Variants in GPC6 observed in about 807,000 individuals in gnomAD.
The protein encoded by GPC6 is glypican-6.
Under a neutral mutation model 55.2 loss-of-function variants are expected in GPC6, and 14 were observed. The observed-to-expected ratio is 0.25, with a 90% CI of 0.17 to 0.40. The LOEUF is 0.40. Among genes scored for constraint, GPC6 ranks in the 10% least tolerant of loss-of-function variants. The pLI, the probability that GPC6 is intolerant of heterozygous loss-of-function variation, is 1.00. For synonymous variants in GPC6, 278 were observed against 259.6 expected, an observed-to-expected ratio of 1.07 and a Z score of -0.68; for missense variants, 641 against 708.5, an observed-to-expected ratio of 0.90 and a Z score of 1.08.
intron 1 of GPC6, among the ~76,000 whole-genome samples, chr13:93,438,155 A>G (rs566070951): frequency 1.3e-5 from 2 of 152,300 alleles, no homozygotes; most frequent in South Asian, 4.1e-4. Context: ...ATTACTGCTC[A>G]TTGACAATGC....
chr13:93,772,480 A>G (rs538612018), intron 2 of GPC6, among the ~76,000 whole-genome samples: 23 of 152,064 alleles, frequency 1.5e-4, no homozygotes, highest in Non-Finnish European at 2.2e-4. Flanking sequence ...CAGTGGGACA[A>G]TCTAACTTTG....
At chr13:93,292,405 A>G (rs1878347040) in intron 1 of GPC6, among the ~76,000 whole-genome samples, 1 of 152,198 alleles carries the variant, frequency 6.6e-6, no homozygotes, top group South Asian at 2.1e-4. Context: ...GGAATTCTAG[A>G]CTTTTTAAGA....
intron 6 of GPC6, among the ~76,000 whole-genome samples, chr13:94,368,583 G>T (rs1375718226): frequency 6.6e-6 from 1 of 152,106 alleles, no homozygotes; most frequent in African/African-American, 2.4e-5. Context: ...GCCATTATCA[G>T]AAGATATGGA....
In GPC6 at chr13:93,990,238, A is replaced by T. The variant is rs1163009058; in HGVS notation, c.712-37491A>T. 4.6e-5 allele frequency among the ~76,000 whole-genome samples: 7 copies of T among 151,942 alleles called. No homozygotes were observed. The East Asian group carries it at 1.2e-3, about 25-fold the overall frequency. ...ATCAAAACATAATTCTACCCTCATGACATTGAAAGGACAGTAATGTCTGCC... is the reference window on the plus strand; with the variant it reads ...ATCAAAACATAATTCTACCCTCATGTCATTGAAAGGACAGTAATGTCTGCC... On this transcript the variant is annotated intron_variant, in intron 3 of 8. Coordinates refer to ENST00000377047, the MANE Select transcript of GPC6 (RefSeq NM_005708.5).
chr13:93,503,981 C>T (rs998813881), intron 1 of GPC6, among the ~76,000 whole-genome samples: 13 of 151,794 alleles, frequency 8.6e-5, no homozygotes, highest in African/African-American at 2.9e-4. Context: ...AACATTCTTC[C>T]GAGAAAAAAA....
chr13:93,331,459 G>A lies in GPC6; in HGVS notation c.160+103843G>A, dbSNP rs943293899. ...AGTATGATTCATCAACTTGAGAAAG[G>A]TTAGCTATGGATATAGTTTACCTGA... On this transcript the variant is annotated intron_variant, in intron 1 of 8. Transcript: ENST00000377047. 3.9e-5 allele frequency among the ~76,000 whole-genome samples: 6 copies of A among 152,128 alleles called. No individual in the cohort carries two copies. The South Asian group carries it at 1.2e-3, about 31-fold the overall frequency.
At chr13:94,085,345 G>A (rs869141447) in intron 4 of GPC6, among the ~76,000 whole-genome samples, 1,265 of 92,408 alleles carry the variant, frequency 0.014, 28 homozygotes, top group African/African-American at 0.047. Context: ...AAAAAAAAAA[G>A]GGAAGAAAAA....
intron 3 of GPC6, among the ~76,000 whole-genome samples, chr13:93,890,715 A>ATTTTTTTTTTT (rs757639517): frequency 1.6e-5 from 2 of 126,414 alleles, no homozygotes; most frequent in African/African-American, 7.4e-5. Flanking sequence ...AATTTTACTT[A>ATTTTTTTTTTT]ATTTTTTTTT....
chr13:94,088,625 G>A (rs1018602139), intron 4 of GPC6, among the ~76,000 whole-genome samples: 3 of 151,682 alleles, frequency 2.0e-5, no homozygotes, highest in East Asian at 2.0e-4. Flanking sequence ...GGAATTTAAC[G>A]TTATTAGCTA....
chr13:93,677,340 A>T (rs144844249), intron 2 of GPC6, among the ~76,000 whole-genome samples: 1 of 152,248 alleles, frequency 6.6e-6, no homozygotes, highest in African/African-American at 2.4e-5. Flanking sequence ...TCTCTAGATG[A>T]TGGTAGATGT....
chr13:93,459,312 C>T (rs1386313182), intron 1 of GPC6, among the ~76,000 whole-genome samples: 1 of 152,238 alleles, frequency 6.6e-6, no homozygotes, highest in Non-Finnish European at 1.5e-5. Flanking sequence ...ACAGTCCTCC[C>T]ACCTTGACTT....
At chr13:93,830,086 A>C in intron 2 of GPC6, 68 bp from the exon 3 acceptor site, 1 of 1,131,758 alleles carries the variant, frequency 8.8e-7, no homozygotes, top group Non-Finnish European at 1.3e-6. Context: ...AGTTGTACTT[A>C]AGGTAAGTGG....
At position 93,338,193 on chromosome 13, in the gene GPC6, C is replaced by A. The variant is rs561522680; in HGVS notation, c.160+110577C>A. Among the ~76,000 whole-genome samples the A allele has an allele frequency of 2.6e-5, 4 of 152,230 alleles. No homozygotes were observed. The East Asian group carries it at 5.8e-4, about 22-fold the overall frequency. Reference sequence around the variant, plus strand: ...GATTTCCACTGCAAAGTCATTATCCCCGGTGAGTTGAATATGGGCATTGTA... The same window carrying A: ...GATTTCCACTGCAAAGTCATTATCCACGGTGAGTTGAATATGGGCATTGTA... On this transcript the variant is annotated intron_variant, in intron 1 of 8. Transcript: ENST00000377047.
intron 1 of GPC6, among the ~76,000 whole-genome samples, chr13:93,328,621 G>A (rs377391348): frequency 1.2e-4 from 18 of 151,488 alleles, no homozygotes; most frequent in Admixed American, 4.6e-4. Flanking sequence ...GCTACAGTGA[G>A]CTGTGATCAC....
intron 3 of GPC6, among the ~76,000 whole-genome samples, chr13:94,005,436 A>T (rs1022085660): frequency 6.6e-6 from 1 of 152,194 alleles, no homozygotes; most frequent in Non-Finnish European, 1.5e-5. Context: ...CAGGCTAAGT[A>T]CTTATTCAAG....
intron 4 of GPC6, among the ~76,000 whole-genome samples, chr13:94,133,290 A>AAAAC (rs1887069541): frequency 6.6e-6 from 1 of 151,478 alleles, no homozygotes; most frequent in African/African-American, 2.4e-5. Context: ...AAAAAAAAAA[A>AAAAC]AACCTTAAGT....
Position 93,424,705 on chromosome 13 carries a change from GA to G in GPC6, c.161-120550del, listed in dbSNP as rs575703038. Among the ~76,000 whole-genome samples the G allele has an allele frequency of 7.7e-3, 1,170 of 151,682 alleles. 11 individuals are homozygous for G. Among genetic ancestry groups the G allele is most frequent in the African/African-American group, 0.027 (1,115 of 41,376 alleles). On this transcript the variant is annotated intron_variant, in intron 1 of 8. Coordinates refer to ENST00000377047, the MANE Select transcript of GPC6 (RefSeq NM_005708.5). ...TTTGTTGTTTTGTCTACAGATAATA[GA>G]AAAAAAATGTGTGAGAGAGAGGTTT...
chr13:93,355,471 A>T (rs1408210), intron 1 of GPC6, among the ~76,000 whole-genome samples: 50,377 of 152,018 alleles, frequency 0.33, 9,700 homozygotes, highest in East Asian at 0.79. Flanking sequence ...AGGGTTTGGG[A>T]GGTAAGAAGA....
intron 7 of GPC6, among the ~76,000 whole-genome samples, chr13:94,383,701 T>C (rs1277962153): frequency 1.3e-5 from 2 of 152,204 alleles, no homozygotes; most frequent in African/African-American, 4.8e-5. Context: ...TGAGTTGCAT[T>C]TTTTAGCATC....
Sources: gnomAD v4.1 joint callset for allele counts (sites outside exome capture counted in the v4.1 genomes callset) on GRCh38, gnomAD v4.1.1 for gene constraint, MANE v1.5 for transcripts, NCBI Gene and HGNC (gene_info 2026-07-23, HGNC 2026-07-21) for gene names.